Variants in PKM observed in about 807,000 individuals in gnomAD.
The protein encoded by PKM is pyruvate kinase PKM.
A neutral mutation model predicts 49.8 loss-of-function variants in PKM; 18 were observed. The ratio of observed to expected loss-of-function variants is 0.36; its 90% confidence interval spans 0.25 to 0.54. The LOEUF is 0.54. Among genes scored for constraint, PKM ranks in the 20% least tolerant of loss-of-function variants. The pLI, the probability that PKM is intolerant of heterozygous loss-of-function variation, is 0.89. For missense variants in PKM, 508 were observed against 713.8 expected (o/e 0.71, Z 3.28); for synonymous variants, 239 against 261.8 (o/e 0.91, Z 0.84).
At chr15:72,212,118 T>C (rs1481271592) in intron 3 of PKM, among the ~76,000 whole-genome samples, 2 of 152,226 alleles carry the variant, frequency 1.3e-5, no homozygotes, top group East Asian at 3.8e-4. Context: ...CTGTTTTTTA[T>C]AGGGTTCCTT....
Position 72,202,868 on chromosome 15 carries a change from G to T in PKM, c.1141-248C>A. On this transcript the variant is annotated intron_variant, in intron 8 of 10. Transcript: ENST00000335181. The surrounding 1 kb of genome is among the most constrained non-coding windows in gnomAD (Gnocchi z 4.5). ...TGCCTACTGAGCCACAGGACCCTTT[G>T]GTCCTGCCCTGCCATGACCTCCCTG... 3 of 825,016 alleles carry T rather than the reference G, an allele frequency of 3.6e-6. No individual in the cohort carries two copies. Among genetic ancestry groups the T allele is most frequent in the Non-Finnish European group, 6.1e-6 (3 of 492,958 alleles). 51.1% of individuals were successfully genotyped at this position (825,016 alleles called of 1,614,324 possible).
chr15:72,222,246 G>A (rs2082546094), intron 1 of PKM, among the ~76,000 whole-genome samples: 1 of 152,224 alleles, frequency 6.6e-6, no homozygotes, highest in South Asian at 2.1e-4. Flanking sequence ...AAGCTTGCTT[G>A]TCAGCAAGTT....
At chr15:72,225,308 C>CT (rs2082638205) in intron 1 of PKM, among the ~76,000 whole-genome samples, 1 of 150,944 alleles carries the variant, frequency 6.6e-6, no homozygotes, top group Non-Finnish European at 1.5e-5. Flanking sequence ...CCCCAAGCTC[C>CT]TCCAACCCTT....
chr15:72,199,265 CT>C lies in PKM; in HGVS notation c.*384del, dbSNP rs1236923009. 2.9e-5 allele frequency: 11 copies of C among 382,746 alleles called. No individual in the cohort carries two copies. The highest frequency in any genetic ancestry group is 4.1e-5 in the Non-Finnish European group (8 of 196,974). The allele number at this position is 382,746 out of a possible 1,614,324, so 23.7% of individuals were successfully genotyped here. A position where few individuals can be genotyped will look rare whatever the true frequency, so the allele number is the denominator to read the frequency against. ...CAGCCCAGTGCCCTAAGGCCCCTAACTCTTGCTGGCTGTTTCTTGACCCCAA... is the reference window on the plus strand; with the variant it reads ...CAGCCCAGTGCCCTAAGGCCCCTAACCTTGCTGGCTGTTTCTTGACCCCAA... On this transcript the variant is annotated 3_prime_UTR_variant, in exon 11 of 11. Coordinates refer to ENST00000335181, the MANE Select transcript of PKM (RefSeq NM_002654.6).
chr15:72,203,526 G>C, intron 8 of PKM: 1 of 355,304 alleles, frequency 2.8e-6, no homozygotes, highest in Non-Finnish European at 5.3e-6. Flanking sequence ...CCCTGGCAGA[G>C]GACTTGACCA....
chr15:72,227,483 G>A (rs1169841172), intron 1 of PKM, among the ~76,000 whole-genome samples: 2 of 152,124 alleles, frequency 1.3e-5, no homozygotes, highest in East Asian at 1.9e-4. Flanking sequence ...AGTGGCTCAC[G>A]CCCGTAATCC....
chr15:72,214,739 G>A (rs1238591151), intron 3 of PKM, among the ~76,000 whole-genome samples: 5 of 152,172 alleles, frequency 3.3e-5, no homozygotes, highest in Admixed American at 6.5e-5. Flanking sequence ...AGGTTGCAGT[G>A]AGCCAAGATC....
In PKM at chr15:72,199,128, T is replaced by A. The variant is rs1596708740; in HGVS notation, c.*522A>T. 1 of 282,400 alleles carries A rather than the reference T, an allele frequency of 3.5e-6. No homozygotes were observed. The highest frequency in any genetic ancestry group is 7.0e-6 in the Non-Finnish European group (1 of 143,028). 17.5% of individuals were successfully genotyped at this position (282,400 alleles called of 1,614,324 possible). On this transcript the variant is annotated 3_prime_UTR_variant, in exon 11 of 11. Transcript: ENST00000335181. ...GGAAAATGGAAGGTGGAGGGTGGAGTGTTTGCTGCAGGACAGCTGAGTGGA... is the reference window on the plus strand; with the variant it reads ...GGAAAATGGAAGGTGGAGGGTGGAGAGTTTGCTGCAGGACAGCTGAGTGGA...
chr15:72,214,278 G>A (rs1210433363), intron 3 of PKM, among the ~76,000 whole-genome samples: 1 of 152,134 alleles, frequency 6.6e-6, no homozygotes, highest in Non-Finnish European at 1.5e-5. Flanking sequence ...AGTGTTTCAT[G>A]CAAACATGCA....
At chr15:72,209,431 ATATATATATGTATATATATATATATATG>A (rs1310817218) in intron 5 of PKM, 2,391 of 24,106 alleles carry the variant, frequency 0.099, 166 homozygotes, top group African/African-American at 0.16. Flanking sequence ...ATATATATAT[ATATATATATGTATATATATATATATATG>A]TATGTATGTT....
At chr15:72,223,654 T>A (rs2082585909) in intron 1 of PKM, among the ~76,000 whole-genome samples, 1 of 152,164 alleles carries the variant, frequency 6.6e-6, no homozygotes, top group South Asian at 2.1e-4. Flanking sequence ...AGCAACATGA[T>A]CAAAATGGGT....
intron 1 of PKM, among the ~76,000 whole-genome samples, chr15:72,229,215 A>C (rs2082773039): frequency 6.6e-6 from 1 of 152,186 alleles, no homozygotes; most frequent in Non-Finnish European, 1.5e-5. Context: ...CAAAAATAAT[A>C]TATTCAGTCA....
chr15:72,214,985 GGTCACAA>G (rs1328954247), intron 3 of PKM, among the ~76,000 whole-genome samples: 1 of 151,726 alleles, frequency 6.6e-6, no homozygotes, highest in Non-Finnish European at 1.5e-5. Flanking sequence ...GATCACCTGA[GGTCACAA>G]GTTCAAGACC....
intron 6 of PKM, among the ~76,000 whole-genome samples, chr15:72,208,260 CT>C (rs1217439067): frequency 6.6e-6 from 1 of 152,058 alleles, no homozygotes; most frequent in Non-Finnish European, 1.5e-5. Flanking sequence ...ATCTTTCCCC[CT>C]GGTCCCCCCA....
At chr15:72,221,570 A>G (rs547839410) in intron 1 of PKM, among the ~76,000 whole-genome samples, 1 of 152,184 alleles carries the variant, frequency 6.6e-6, no homozygotes, top group Admixed American at 6.5e-5. Context: ...TTACAGAAAA[A>G]AAAAAATCCT....
chr15:72,220,609 G>A (rs1415465790), intron 1 of PKM, among the ~76,000 whole-genome samples: 1 of 152,224 alleles, frequency 6.6e-6, no homozygotes, highest in Non-Finnish European at 1.5e-5. Flanking sequence ...ATTTCGATGT[G>A]TATTTCCTAA....
Position 72,224,532 on chromosome 15 carries a change from T to A in PKM, c.-13-5422A>T, listed in dbSNP as rs183528361. Among the ~76,000 whole-genome samples, 8 of 152,296 alleles carry A rather than the reference T, an allele frequency of 5.3e-5. No individual in the cohort carries two copies. In the East Asian group the frequency reaches 1.5e-3, roughly 29 times the overall value. ...TTACGAATTAAAGAAAAAAAAGTTT[T>A]AACATCTGCCTCTCTACCACCCAGA... On this transcript the variant is annotated intron_variant, in intron 1 of 10. Coordinates refer to ENST00000335181, the MANE Select transcript of PKM (RefSeq NM_002654.6).
chr15:72,205,316 G>A (rs1346042121), intron 8 of PKM, among the ~76,000 whole-genome samples: 2 of 152,032 alleles, frequency 1.3e-5, no homozygotes, highest in East Asian at 1.9e-4. Flanking sequence ...GTAGAGACAG[G>A]GTTTCACCAG....
At chr15:72,229,753 T>C (rs1252299368) in intron 1 of PKM, 1 of 1,124,824 alleles carries the variant, frequency 8.9e-7, no homozygotes, top group Admixed American at 2.8e-5. Context: ...GTCATCCTGG[T>C]CTCTAACTCT....
Sources: gnomAD v4.1 joint callset for allele counts (sites outside exome capture counted in the v4.1 genomes callset) on GRCh38, gnomAD v4.1.1 for gene constraint, Gnocchi (gnomAD v3.1) non-coding constraint, MANE v1.5 for transcripts, NCBI Gene and HGNC (gene_info 2026-07-23, HGNC 2026-07-21) for gene names.